Variants in TMEM169 observed in about 807,000 individuals in gnomAD.
TMEM169 encodes transmembrane protein 169.
Under a neutral mutation model 27.3 loss-of-function variants are expected in TMEM169, and 18 were observed. The observed-to-expected ratio is 0.66, with a 90% CI of 0.46 to 0.98. The LOEUF is 0.98. Among genes scored for constraint, TMEM169 ranks in the 50% least tolerant of loss-of-function variants. TMEM169 has a pLI of 0.00. For missense variants in TMEM169, 320 were observed against 368.6 expected (o/e 0.87, Z 1.08); for synonymous variants, 136 against 142.1 (o/e 0.96, Z 0.30).
At position 216,100,381 on chromosome 2, in the gene TMEM169, G is replaced by A. The variant is rs1043932695; in HGVS notation, c.733G>A (p.Ala245Thr). 13 of 1,613,874 alleles carry A rather than the reference G, an allele frequency of 8.1e-6. No individual in the cohort carries two copies. The highest frequency in any genetic ancestry group is 1.1e-5 in the South Asian group (1 of 91,078). The change falls in exon 3 of 3, where the codon GCC becomes ACC. Residue 245 changes from alanine to threonine, a missense_variant. Ala to Thr is a moderately conservative substitution (Grantham distance 58). Coordinates refer to ENST00000437356, the MANE Select transcript of TMEM169 (RefSeq NM_001142311.2). ...GTCCTGGGAAGCATGGTGGCAAGCT[G>A]CCCGGGACATGGAGAAAGGCTTCTG... ...SWSWEAWWQA[A>T]RDMEKGFCGW...
At chr2:216,092,336 A>G (rs1696152910) in intron 1 of TMEM169, among the ~76,000 whole-genome samples, 1 of 151,818 alleles carries the variant, frequency 6.6e-6, no homozygotes. Context: ...AGTGTCGAAC[A>G]CTACACCTTT....
chr2:216,083,203 A>G (rs1695914093), intron 1 of TMEM169, among the ~76,000 whole-genome samples: 1 of 152,240 alleles, frequency 6.6e-6, no homozygotes, highest in African/African-American at 2.4e-5. Context: ...TCCAGGAATC[A>G]CTTAACTCTA....
Position 216,100,476 on chromosome 2 carries a change from C to T in TMEM169, c.828C>T (p.Ser276=), listed in dbSNP as rs751637623. 8 of 1,613,902 alleles carry T rather than the reference C, an allele frequency of 5.0e-6. No individual in the cohort carries two copies. The highest frequency in any genetic ancestry group is 3.3e-4 in the Middle Eastern group (2 of 6,062). Residue 276 remains serine (S), a synonymous_variant, in exon 3 of 3, where the codon TCC becomes TCT. Coordinates refer to ENST00000437356, the MANE Select transcript of TMEM169 (RefSeq NM_001142311.2). The part of the protein sequence containing the change: ...SPYSIVELLE[S]DNISSTLSNK... ...ACAGCATTGTGGAGTTGCTTGAATC[C>T]GACAATATCTCAAGCACTCTCTCCA...
chr2:216,091,578 A>AGAG (rs1553564477), intron 1 of TMEM169, among the ~76,000 whole-genome samples: 15 of 113,342 alleles, frequency 1.3e-4, no homozygotes, highest in South Asian at 1.1e-3. Context: ...AAAAAAAAAA[A>AGAG]AGAGAGAGAC....
intron 1 of TMEM169, among the ~76,000 whole-genome samples, chr2:216,083,315 G>C (rs1695917532): frequency 6.6e-6 from 1 of 152,070 alleles, no homozygotes; most frequent in Non-Finnish European, 1.5e-5. Context: ...TCAAAGTGTT[G>C]TTGCAGAAAC....
chr2:216,082,672 A>G (rs987708904), intron 1 of TMEM169: 1 of 152,272 alleles, frequency 6.6e-6, no homozygotes, highest in Non-Finnish European at 1.5e-5. Context: ...GGTGCCCAGT[A>G]ACAGTGATTT....
At chr2:216,098,215 G>T (rs1696304780) in intron 2 of TMEM169, among the ~76,000 whole-genome samples, 1 of 152,184 alleles carries the variant, frequency 6.6e-6, no homozygotes, top group South Asian at 2.1e-4. Flanking sequence ...GATCACTCTG[G>T]CTTCTCTATA....
At position 216,102,673 on chromosome 2, in the gene TMEM169, T is replaced by G. The variant is rs1300398258; in HGVS notation, c.*2131T>G. 2 of 152,000 alleles carry G rather than the reference T, an allele frequency of 1.3e-5. No individual in the cohort carries two copies. Among genetic ancestry groups the G allele is most frequent in the Non-Finnish European group, 2.9e-5 (2 of 67,970 alleles). 9.4% of individuals were successfully genotyped at this position (152,000 alleles called of 1,614,324 possible). ...TATTAGCTTGACAAGAAAAAAAAAG[T>G]GCCCAACAGTTTTAGTGTTAATCTT... On this transcript the variant is annotated 3_prime_UTR_variant, in exon 3 of 3. Coordinates refer to ENST00000437356, the MANE Select transcript of TMEM169 (RefSeq NM_001142311.2).
At position 216,100,120 on chromosome 2, in the gene TMEM169, C is replaced by T. The variant is rs544060749; in HGVS notation, c.472C>T (p.Pro158Ser). ...MACQMGADRGPHVVLWTLICL... is the reference protein window; with the variant it reads ...MACQMGADRGSHVVLWTLICL... Reference sequence around the variant, plus strand: ...CTGCCAGATGGGAGCTGACCGTGGGCCCCATGTGGTCCTCTGGACGCTGAT... The same window carrying T: ...CTGCCAGATGGGAGCTGACCGTGGGTCCCATGTGGTCCTCTGGACGCTGAT... Residue 158 changes from proline (P) to serine (S), a missense_variant, in exon 3 of 3, where the codon CCC (proline) becomes TCC (serine). By Grantham distance (74) the Pro-to-Ser change is moderately conservative (BLOSUM62 -1). Coordinates refer to ENST00000437356, the MANE Select transcript of TMEM169 (RefSeq NM_001142311.2). 4.3e-6 allele frequency: 7 copies of T among 1,614,122 alleles called. No individual in the cohort carries two copies. The East Asian group carries it at 1.1e-4, about 26-fold the overall frequency.
chr2:216,086,554 T>A (rs892136160), intron 1 of TMEM169, among the ~76,000 whole-genome samples: 26 of 152,220 alleles, frequency 1.7e-4, no homozygotes, highest in African/African-American at 6.3e-4. Context: ...GCTTCTCAGA[T>A]CAAATACTTA....
In TMEM169 at chr2:216,096,066, TC is replaced by T; in HGVS notation, c.105del (p.Thr36GlnfsTer49). On this transcript the variant is annotated frameshift_variant, in exon 2 of 3. Coordinates refer to ENST00000437356, the MANE Select transcript of TMEM169 (RefSeq NM_001142311.2). LOFTEE classifies it high-confidence loss of function. ...TGCTGCCCTGGCGCTGGATGGGGAATCCACAATGGGGCACAGGAAAAAGAAG... is the reference window on the plus strand; with the variant it reads ...TGCTGCCCTGGCGCTGGATGGGGAATCACAATGGGGCACAGGAAAAAGAAG... Reference protein sequence around the residue: ...VAAALALDGESTMGHRKKKRK... With the variant: ...VAAALALDGEXTMGHRKKKRK... 1 of 1,614,104 alleles carries T rather than the reference TC, an allele frequency of 6.2e-7. No homozygotes were observed. Among genetic ancestry groups the T allele is most frequent in the Non-Finnish European group, 8.5e-7 (1 of 1,180,034 alleles).
rs1400302285 is a variant in TMEM169 at position 216,101,157 on chromosome 2, T to C, written c.*615T>C. 6.2e-6 allele frequency: 1 copy of C among 160,592 alleles called. No individual in the cohort carries two copies. Among genetic ancestry groups the C allele is most frequent in the African/African-American group, 2.4e-5 (1 of 41,472 alleles). 9.9% of individuals were successfully genotyped at this position (160,592 alleles called of 1,614,324 possible). A position where few individuals can be genotyped will look rare whatever the true frequency, so the allele number is the denominator to read the frequency against. On this transcript the variant is annotated 3_prime_UTR_variant, in exon 3 of 3. Coordinates refer to ENST00000437356, the MANE Select transcript of TMEM169 (RefSeq NM_001142311.2). ...AGGTCCCAGGCTTCTTCTATTTCTC[T>C]ACCATTAGTAGGATGTGACCCTTCT...
At chr2:216,097,906 A>G (rs902185039) in intron 2 of TMEM169, among the ~76,000 whole-genome samples, 1 of 152,194 alleles carries the variant, frequency 6.6e-6, no homozygotes, top group Admixed American at 6.5e-5. Flanking sequence ...TCCAAATGAC[A>G]TGAGGGAGCC....
chr2:216,085,732 A>G (rs1037531369), intron 1 of TMEM169, among the ~76,000 whole-genome samples: 1 of 152,062 alleles, frequency 6.6e-6, no homozygotes, highest in African/African-American at 2.4e-5. Flanking sequence ...TTAACTGGGC[A>G]TGGTTGTGCA....
rs35553205 is a variant in TMEM169 at position 216,085,871 on chromosome 2, C to CA, written c.-127+3904dup. ...AGGCAACAAGAGTGAAACTCCATCT[C>CA]AAAAAAAAAAAACAAAAACAAAAAA... On this transcript the variant is annotated intron_variant, in intron 1 of 2. Coordinates refer to ENST00000437356, the MANE Select transcript of TMEM169 (RefSeq NM_001142311.2). 2.6e-3 allele frequency among the ~76,000 whole-genome samples: 343 copies of CA among 133,680 alleles called. 1 individual carries two copies. Among genetic ancestry groups the CA allele is most frequent in the Middle Eastern group, 4.0e-3 (1 of 248 alleles). The allele number at this position is 133,680 out of a possible 152,430, so 87.7% of individuals were successfully genotyped here.
At chr2:216,085,859 GA>G in intron 1 of TMEM169, among the ~76,000 whole-genome samples, 1 of 144,650 alleles carries the variant, frequency 6.9e-6, no homozygotes, top group Non-Finnish European at 1.5e-5. Context: ...CAACAAGAGT[GA>G]AACTCCATCT....
At chr2:216,082,040 GC>G in intron 1 of TMEM169, 61 bp downstream of exon 1, 11 of 266,696 alleles carry the variant, frequency 4.1e-5, no homozygotes, top group East Asian at 1.0e-4. Context: ...GAAGGGAAAT[GC>G]AAAAAAAAAA....
rs750336955 is a variant in TMEM169, at chr2:216,096,165, G to A, written c.202G>A (p.Glu68Lys). The A allele has an allele frequency of 1.1e-5, 18 of 1,614,036 alleles. No individual in the cohort carries two copies. The highest frequency in any genetic ancestry group is 1.7e-5 in the Admixed American group (1 of 59,990). The stretch of plus-strand genomic sequence containing the variant: ...TGAGAAAACAGATGAGGAGCCCGGA[G>A]AATCAGAAGGTGGAGATCAGCCTAA... Reference protein sequence around the residue: ...DNEKTDEEPGESEGGDQPKEE... With the variant: ...DNEKTDEEPGKSEGGDQPKEE... Residue 68 changes from glutamate (E) to lysine (K), a missense_variant, in exon 2 of 3, where the codon GAA becomes AAA. Physicochemically the swap from Glu to Lys is moderately conservative, Grantham distance 56 (BLOSUM62 1). Transcript: ENST00000437356.
At chr2:216,095,340 G>A (rs868685695) in intron 1 of TMEM169, among the ~76,000 whole-genome samples, 1 of 151,742 alleles carries the variant, frequency 6.6e-6, no homozygotes, top group South Asian at 2.1e-4. Context: ...CACCCGCCTC[G>A]GCCTCTCAAA....
Sources: gnomAD v4.1 joint callset for allele counts (sites outside exome capture counted in the v4.1 genomes callset) on GRCh38, gnomAD v4.1.1 for gene constraint, MANE v1.5 for transcripts, NCBI Gene and HGNC (gene_info 2026-07-23, HGNC 2026-07-21) for gene names.